The following MAN2A1 variants were observed in gnomAD, a reference collection of about 807,000 sequenced individuals.
MAN2A1 encodes mannosidase alpha class 2A member 1.
Under a neutral mutation model 142.6 loss-of-function variants are expected in MAN2A1, and 76 were observed. The ratio of observed to expected loss-of-function variants is 0.53; its 90% CI spans 0.44 to 0.65. MAN2A1 has a LOEUF of 0.65. Ranked by LOEUF, MAN2A1 falls within the 30% of genes least tolerant of loss-of-function variation. The pLI is 0.00. For missense variants in MAN2A1, 1,311 were observed against 1,365.1 expected (o/e 0.96, Z 0.62); for synonymous variants, 559 against 473.2 (o/e 1.18, Z -2.35).
At chr5:109,856,192 T>C (rs757550062) in intron 20 of MAN2A1, among the ~76,000 whole-genome samples, 8 of 152,178 alleles carry the variant, frequency 5.3e-5, no homozygotes, top group Non-Finnish European at 1.2e-4. Context: ...TTTTTCTTTA[T>C]AGATTTTTAG....
At position 109,707,746 on chromosome 5, in the gene MAN2A1, T is replaced by A. The variant is rs77020287; in HGVS notation, c.136-5774T>A. Among the ~76,000 whole-genome samples the A allele has an allele frequency of 5.3e-4, 81 of 152,210 alleles. No individual in the cohort carries two copies. The East Asian group carries it at 0.013, about 25-fold the overall frequency. On this transcript the variant is annotated intron_variant, in intron 1 of 21. Coordinates refer to ENST00000261483, the MANE Select transcript of MAN2A1 (RefSeq NM_002372.4). ...GAGCTGGCTTGGAACGGAGATAAGATGAAGGTGAAGCTAAGTTGAGAGAAA... is the reference window on the plus strand; with the variant it reads ...GAGCTGGCTTGGAACGGAGATAAGAAGAAGGTGAAGCTAAGTTGAGAGAAA...
intron 6 of MAN2A1, among the ~76,000 whole-genome samples, chr5:109,768,319 T>G (rs912944943): frequency 2.0e-5 from 3 of 152,214 alleles, no homozygotes; most frequent in Non-Finnish European, 4.4e-5. Flanking sequence ...TATTTTCTAT[T>G]TATTTATCGA....
At chr5:109,785,486 A>G (rs529455186) in intron 10 of MAN2A1, among the ~76,000 whole-genome samples, 2 of 152,196 alleles carry the variant, frequency 1.3e-5, no homozygotes, top group South Asian at 2.1e-4. Flanking sequence ...GGGTGTTGGT[A>G]TCAAAGCCAT....
intron 16 of MAN2A1, among the ~76,000 whole-genome samples, chr5:109,832,556 T>G (rs1217886605): frequency 6.6e-6 from 1 of 151,606 alleles, no homozygotes; most frequent in Non-Finnish European, 1.5e-5. Context: ...CAAAATGGAG[T>G]CTCCCATGTC....
intron 12 of MAN2A1, among the ~76,000 whole-genome samples, chr5:109,815,991 G>C (rs1216308833): frequency 6.6e-6 from 1 of 152,170 alleles, no homozygotes; most frequent in Non-Finnish European, 1.5e-5. Flanking sequence ...ACAATATGAT[G>C]CAAATTGATT....
In MAN2A1 at chr5:109,784,837, A is replaced by C. The variant is rs756967027; in HGVS notation, c.1671A>C (p.Thr557=). 3 of 1,613,096 alleles carry C rather than the reference A, an allele frequency of 1.9e-6. No homozygotes were observed. The Admixed American group carries it at 5.0e-5, about 27-fold the overall frequency. ...CATCATCACTTTACACGGCACTGAC[A>C]GAAGCCAGAAGGAATTTGGGACTGT... is the stretch of plus-strand genomic sequence containing the variant. The part of the protein sequence containing the change: ...FLSSSLYTAL[T]EARRNLGLFQ... The change falls in exon 10 of 22, where the codon ACA becomes ACC. Residue 557 remains threonine (T), a synonymous_variant. Coordinates refer to ENST00000261483, the MANE Select transcript of MAN2A1 (RefSeq NM_002372.4).
At chr5:109,789,105 T>A in intron 11 of MAN2A1, 57 bp downstream of exon 11, 1 of 848,220 alleles carries the variant, frequency 1.2e-6, no homozygotes, top group Non-Finnish European at 1.9e-6. Flanking sequence ...GTTCTTGCAT[T>A]AGCAAAGAGG....
chr5:109,837,565 G>A (rs1755089563), intron 16 of MAN2A1, among the ~76,000 whole-genome samples: 1 of 152,074 alleles, frequency 6.6e-6, no homozygotes, highest in African/African-American at 2.4e-5. Flanking sequence ...TTCTTCCTCA[G>A]CTTAGGGTCA....
intron 21 of MAN2A1, chr5:109,865,502 C>T: frequency 4.4e-6 from 1 of 228,754 alleles, no homozygotes; most frequent in Non-Finnish European, 8.8e-6. Flanking sequence ...ATTGGTAAAC[C>T]TAAGTCCTAC....
chr5:109,802,752 T>C (rs1262662541), intron 12 of MAN2A1, among the ~76,000 whole-genome samples: 2 of 152,140 alleles, frequency 1.3e-5, no homozygotes, highest in Non-Finnish European at 2.9e-5. Context: ...TGTTGACTTT[T>C]TTTTTCTTTG....
chr5:109,808,499 A>C (rs1301713311), intron 12 of MAN2A1, among the ~76,000 whole-genome samples: 1 of 152,046 alleles, frequency 6.6e-6, no homozygotes, highest in Middle Eastern at 3.2e-3. Flanking sequence ...TATTTAAAAA[A>C]TTCTTTATAA....
chr5:109,750,748 A>T (rs1035726561), intron 4 of MAN2A1, among the ~76,000 whole-genome samples: 48 of 152,090 alleles, frequency 3.2e-4, no homozygotes, highest in Non-Finnish European at 1.2e-4. Context: ...GCATTTTCTT[A>T]TGAGCTGGTT....
chr5:109,810,110 G>C (rs947528089), intron 12 of MAN2A1, among the ~76,000 whole-genome samples: 1 of 151,548 alleles, frequency 6.6e-6, no homozygotes, highest in African/African-American at 2.4e-5. Context: ...TCCTCTACTT[G>C]ATTCATGTTT....
chr5:109,785,983 A>T (rs907595647), intron 10 of MAN2A1, among the ~76,000 whole-genome samples: 18 of 152,124 alleles, frequency 1.2e-4, no homozygotes, highest in Non-Finnish European at 2.2e-4. Context: ...AGTAAATGTT[A>T]ATTAAATTTT....
chr5:109,749,549 G>T (rs182890469), intron 4 of MAN2A1, among the ~76,000 whole-genome samples: 251 of 152,004 alleles, frequency 1.7e-3, no homozygotes, highest in African/African-American at 6.0e-3. Context: ...TTAGTTTCTG[G>T]ATTTGTTAGA....
At chr5:109,708,340 G>A (rs1304983968) in intron 1 of MAN2A1, among the ~76,000 whole-genome samples, 5 of 152,114 alleles carry the variant, frequency 3.3e-5, no homozygotes, top group African/African-American at 1.2e-4. Flanking sequence ...GTGGTGAGCA[G>A]ATGCTGATTG....
intron 4 of MAN2A1, among the ~76,000 whole-genome samples, chr5:109,734,298 C>CT (rs1373247313): frequency 8.0e-6 from 1 of 124,804 alleles, no homozygotes; most frequent in Non-Finnish European, 1.7e-5. Context: ...TTTTGTTGAT[C>CT]TTTTGAAAAA....
At chr5:109,753,788 C>T (rs1191954414) in intron 4 of MAN2A1, among the ~76,000 whole-genome samples, 1 of 152,092 alleles carries the variant, frequency 6.6e-6, no homozygotes, top group Non-Finnish European at 1.5e-5. Flanking sequence ...TGATGTATGT[C>T]CTTTTTAAAG....
intron 1 of MAN2A1, among the ~76,000 whole-genome samples, chr5:109,698,867 T>C (rs1051943899): frequency 3.9e-5 from 6 of 152,282 alleles, no homozygotes; most frequent in South Asian, 2.1e-4. Context: ...CTCCCTTTTT[T>C]CCCCATCTTT....
Sources: allele counts gnomAD v4.1 joint callset (sites outside exome capture counted in the v4.1 genomes callset), GRCh38; gene constraint gnomAD v4.1.1; transcripts MANE v1.5; gene names NCBI Gene and HGNC (gene_info 2026-07-23, HGNC 2026-07-21).